EGF: variants seen among roughly 807,000 people sequenced by gnomAD.
EGF encodes the protein epidermal growth factor.
In EGF, 95 loss-of-function variants were observed where a neutral mutation model predicts 143.8. The observed-to-expected ratio is 0.66, with a 90% CI of 0.56 to 0.78. The LOEUF (loss-of-function observed/expected upper bound fraction) is 0.78, where lower values mean the gene tolerates loss of function less well. EGF is among the 30% of genes least tolerant of loss of function. The pLI is 0.00. For synonymous variants in EGF, 510 were observed against 510.5 expected (o/e 1.00, Z 0.01); for missense variants, 1,320 against 1,470.9 (o/e 0.90, Z 1.68).
At chr4:109,963,738 A>G (rs1746088688) in intron 9 of EGF, among the ~76,000 whole-genome samples, 1 of 152,188 alleles carries the variant, frequency 6.6e-6, no homozygotes, top group East Asian at 1.9e-4. Context: ...GTCTTCTGAT[A>G]TTACCTCTCT....
In EGF at chr4:109,943,184, A is replaced by T. The variant is rs1742210571; in HGVS notation, c.328-70A>T. 1.3e-5 allele frequency: 14 copies of T among 1,093,346 alleles called. No individual in the cohort carries two copies. The South Asian group carries it at 2.3e-4, about 18-fold the overall frequency. 67.7% of individuals were successfully genotyped at this position (1,093,346 alleles called of 1,614,324 possible). A position where few individuals can be genotyped will look rare whatever the true frequency, so the allele number is the denominator to read the frequency against. ...ACTTAAAAGAATAGACTTTTTATAT[A>T]TAACAATTAAAATAATTTTGTTGTG... On this transcript the variant is annotated intron_variant, in intron 2 of 23. Coordinates refer to ENST00000265171, the MANE Select transcript of EGF (RefSeq NM_001963.6).
chr4:109,945,438 GA>G (rs1421998521), intron 5 of EGF, among the ~76,000 whole-genome samples, 163 bp downstream of exon 5: 1 of 151,826 alleles, frequency 6.6e-6, no homozygotes, highest in African/African-American at 2.4e-5. Context: ...AGATTAACAA[GA>G]AAAAAACAAA....
chr4:109,945,106 C>T lies in EGF; in HGVS notation c.771C>T (p.Asp257=). 1.2e-6 allele frequency: 2 copies of T among 1,614,026 alleles called. No individual in the cohort carries two copies. The highest frequency in any genetic ancestry group is 1.7e-4 in the Middle Eastern group (1 of 6,060). The change falls in exon 5 of 24, where the codon GAC becomes GAT. Residue 257 remains aspartate (D), a synonymous_variant. Coordinates refer to ENST00000265171, the MANE Select transcript of EGF (RefSeq NM_001963.6). ...TGTTTGCAATGTCCCTTTTTGGTGA[C>T]CGTATCTTCTATTCAACATGGAAAA... ...HNLFAMSLFG[D]RIFYSTWKMK...
In EGF at chr4:110,011,349, A is replaced by C. The variant is rs748821450; in HGVS notation, c.3518A>C (p.Gln1173Pro). The part of the protein sequence containing the change: ...RSFHMPSYGT[Q>P]TLEGGVEKPH... ...TTTCATATGCCCTCCTATGGGACAC[A>C]GACCCTTGAAGGGGGTGTCGAGAAG... is the stretch of plus-strand genomic sequence containing the variant. The change falls in exon 24 of 24, where the codon CAG becomes CCG. Residue 1173 changes from glutamine (Q) to proline (P), a missense_variant. Gln to Pro is a moderately conservative substitution (Grantham distance 76). Coordinates refer to ENST00000265171, the MANE Select transcript of EGF (RefSeq NM_001963.6). The C allele has an allele frequency of 6.2e-7, 1 of 1,614,168 alleles. No individual in the cohort carries two copies.
intron 18 of EGF, 69 bp downstream of exon 18, chr4:109,988,778 C>A: frequency 6.2e-7 from 1 of 1,605,840 alleles, no homozygotes; most frequent in Non-Finnish European, 8.5e-7. Context: ...AATGTGGGTG[C>A]ATGAGCAGAG....
At chr4:109,921,062 C>A (rs568070846) in intron 1 of EGF, among the ~76,000 whole-genome samples, 2 of 151,522 alleles carry the variant, frequency 1.3e-5, no homozygotes, top group African/African-American at 4.9e-5. Flanking sequence ...CAGAAGGGAT[C>A]TTTACACTTC....
chr4:109,950,044 T>G (rs2126026800), intron 5 of EGF, among the ~76,000 whole-genome samples: 1 of 152,342 alleles, frequency 6.6e-6, no homozygotes, highest in Non-Finnish European at 1.5e-5. Context: ...TGGGCCTTGC[T>G]TGCTTGCTGT....
intron 20 of EGF, among the ~76,000 whole-genome samples, chr4:109,997,304 T>A (rs2060812024): frequency 6.6e-6 from 1 of 151,964 alleles, no homozygotes; most frequent in Non-Finnish European, 1.5e-5. Flanking sequence ...TATAGGGAGG[T>A]TCAGAATCTT....
intron 18 of EGF, chr4:109,992,389 G>C (rs1751088731): frequency 6.6e-6 from 1 of 152,100 alleles, no homozygotes; most frequent in Admixed American, 6.6e-5. Context: ...CATGGCCCCT[G>C]CGCAAGGAGG....
In EGF at chr4:109,970,602, A is replaced by G. The variant is rs188696163; in HGVS notation, c.1724+1483A>G. On this transcript the variant is annotated intron_variant, in intron 11 of 23. Coordinates refer to ENST00000265171, the MANE Select transcript of EGF (RefSeq NM_001963.6). ...TGTGCTTTGGGAGGCCAAGGTGGGC[A>G]GATCACAAGGTCAGGAGATCGAGAC... Among the ~76,000 whole-genome samples, 1,162 of 152,180 alleles carry G rather than the reference A, an allele frequency of 7.6e-3. 4 individuals are homozygous for G. Among genetic ancestry groups the G allele is most frequent in the Middle Eastern group, 0.031 (9 of 294 alleles).
chr4:109,971,347 A>G (rs543085673), intron 11 of EGF, among the ~76,000 whole-genome samples: 44 of 152,320 alleles, frequency 2.9e-4, no homozygotes, highest in African/African-American at 1.0e-3. Flanking sequence ...GAACCTACTT[A>G]AAAGAATATT....
chr4:110,001,109 A>C (rs550717862), intron 21 of EGF, among the ~76,000 whole-genome samples: 11 of 152,340 alleles, frequency 7.2e-5, no homozygotes, highest in Non-Finnish European at 1.5e-4. Context: ...ATACAGGTTC[A>C]AATCCAAGTT....
chr4:109,932,375 A>C (rs1208093232), intron 1 of EGF, among the ~76,000 whole-genome samples: 1 of 126,074 alleles, frequency 7.9e-6, no homozygotes, highest in Admixed American at 8.1e-5. Context: ...ATATATATAT[A>C]TAAATTTTTT....
At chr4:109,932,909 C>T (rs892111897) in intron 1 of EGF, among the ~76,000 whole-genome samples, 3 of 152,050 alleles carry the variant, frequency 2.0e-5, no homozygotes, top group Non-Finnish European at 4.4e-5. Flanking sequence ...TTCTTTTTCT[C>T]CATGATGAAT....
chr4:109,974,041 C>T (rs980255528), intron 11 of EGF, among the ~76,000 whole-genome samples: 1 of 151,730 alleles, frequency 6.6e-6, no homozygotes, highest in African/African-American at 2.4e-5. Context: ...AAATAAAAAC[C>T]AATAACTTAT....
intron 5 of EGF, 137 bp downstream of exon 5, chr4:109,945,412 C>A: frequency 1.3e-6 from 1 of 757,116 alleles, no homozygotes; most frequent in Non-Finnish European, 2.3e-6. Context: ...CATAATAGAC[C>A]CCTGTAAGAA....
intron 12 of EGF, 108 bp from the exon 13 acceptor site, chr4:109,975,904 C>T (rs1748418815): frequency 1.6e-6 from 2 of 1,241,370 alleles, no homozygotes; most frequent in South Asian, 2.4e-5. Flanking sequence ...CCTTAGTGTA[C>T]CACTTTAGTA....
At position 109,983,536 on chromosome 4, in the gene EGF, T is replaced by C; in HGVS notation, c.2486T>C (p.Val829Ala). The change falls in exon 16 of 24, where the codon GTG (valine) becomes GCG (alanine). Residue 829 changes from valine to alanine, a missense_variant. By Grantham distance (64) the Val-to-Ala change is moderately conservative (BLOSUM62 0). Transcript: ENST00000265171. ...CACATGCTAGTGGCTGAAATCATGGTGTCAGGTATGAATAACTAGTTCTCC... is the reference window on the plus strand; with the variant it reads ...CACATGCTAGTGGCTGAAATCATGGCGTCAGGTATGAATAACTAGTTCTCC... ...SQHMLVAEIM[V>A]SDQDDCAPVG... The C allele has an allele frequency of 1.2e-6, 2 of 1,613,686 alleles. No homozygotes were observed. Among genetic ancestry groups the C allele is most frequent in the Non-Finnish European group, 8.5e-7 (1 of 1,179,748 alleles).
intron 20 of EGF, 78 bp from the exon 21 acceptor site, chr4:109,999,600 CA>C (rs1752280795): frequency 8.3e-6 from 13 of 1,570,022 alleles, no homozygotes; most frequent in African/African-American, 1.3e-5. Context: ...GGTTGAGAGA[CA>C]GCTGAATACT....
Sources: allele counts gnomAD v4.1 joint callset (sites outside exome capture counted in the v4.1 genomes callset), GRCh38; gene constraint gnomAD v4.1.1; transcripts MANE v1.5; gene names NCBI Gene and HGNC (gene_info 2026-07-23, HGNC 2026-07-21).